The following DAB1 variants were observed in gnomAD, a reference collection of about 807,000 sequenced individuals.
DAB1 encodes DAB adaptor protein 1.
In DAB1, 15 loss-of-function variants were observed where a neutral mutation model predicts 64.6. The observed-to-expected ratio is 0.23, with a 90% CI of 0.16 to 0.36. The LOEUF (loss-of-function observed/expected upper bound fraction) is 0.36. Among genes scored for constraint, DAB1 ranks in the 10% least tolerant of loss-of-function variants. The probability of loss-of-function intolerance (pLI) is 1.00; values close to 1 mark genes in which losing one functional copy is unlikely to be tolerated. For missense variants in DAB1, 596 were observed against 706.7 expected, an observed-to-expected ratio of 0.84 and a Z score of 1.78; for synonymous variants, 235 against 251.9, an observed-to-expected ratio of 0.93 and a Z score of 0.64.
intron 3 of DAB1, among the ~76,000 whole-genome samples, chr1:58,433,341 G>C (rs1189571527): frequency 6.6e-6 from 1 of 152,140 alleles, no homozygotes; most frequent in African/African-American, 2.4e-5. Context: ...GTCTCACTGA[G>C]AGGATGACAT....
chr1:58,167,326 T>C (rs1655898368), intron 4 of DAB1, among the ~76,000 whole-genome samples: 1 of 150,654 alleles, frequency 6.6e-6, no homozygotes, highest in South Asian at 2.1e-4. Context: ...ACTCTGTGTC[T>C]AGCTAAAGGA....
intron 6 of DAB1, among the ~76,000 whole-genome samples, chr1:57,761,323 C>T (rs1263139128): frequency 1.3e-5 from 2 of 152,204 alleles, no homozygotes; most frequent in African/African-American, 4.8e-5. Context: ...CAAAAGATTG[C>T]TTTGTTTTTA....
chr1:57,471,382 T>C (rs1487204469), intron 7 of DAB1, among the ~76,000 whole-genome samples: 5 of 152,166 alleles, frequency 3.3e-5, no homozygotes, highest in African/African-American at 1.2e-4. Context: ...CCTTAATATA[T>C]AAGTCAAAAT....
At chr1:57,099,410 A>T (rs1654463621) in intron 4 of DAB1, among the ~76,000 whole-genome samples, 1 of 152,244 alleles carries the variant, frequency 6.6e-6, no homozygotes, top group Admixed American at 6.5e-5. Context: ...TAGGGGTAGC[A>T]GTAAGTAGCG....
intron 1 of DAB1, chr1:58,530,459 C>T (rs535670224): frequency 5.1e-5 from 27 of 531,480 alleles, no homozygotes; most frequent in South Asian, 4.1e-4. Context: ...CCCCTAAAAA[C>T]GAGAAAACAT....
intron 7 of DAB1, among the ~76,000 whole-genome samples, chr1:57,493,450 G>T (rs1047667270): frequency 1.3e-5 from 2 of 152,166 alleles, no homozygotes; most frequent in Admixed American, 6.5e-5. Context: ...CATCCATGCT[G>T]TAGCATGTAT....
intron 5 of DAB1, among the ~76,000 whole-genome samples, chr1:58,127,794 G>C (rs200645625): frequency 6.6e-6 from 1 of 150,796 alleles, no homozygotes; most frequent in Non-Finnish European, 1.5e-5. Context: ...ATTTCTGAGG[G>C]CTCTGTTCTG....
chr1:57,303,558 A>C (rs1673856042), intron 1 of DAB1, among the ~76,000 whole-genome samples: 1 of 152,230 alleles, frequency 6.6e-6, no homozygotes, highest in African/African-American at 2.4e-5. Context: ...AGAGACTAGA[A>C]GTGAAAAGAT....
rs1644658580 is a variant in DAB1 at position 57,912,367 on chromosome 1, G to A, written n.388-28205C>T. ...ACCTGGAAAAAAAGGCTTACCTTAC[G>A]CAGGTGCTCAAAAATGTCTGTTGAG... On this transcript the variant is annotated intron_variant and non_coding_transcript_variant, in intron 5 of 20. Transcript: ENST00000485760. Among the ~76,000 whole-genome samples the A allele has an allele frequency of 2.6e-5, 4 of 152,086 alleles. No homozygotes were observed. The South Asian group carries it at 6.2e-4, about 24-fold the overall frequency.
intron 7 of DAB1, among the ~76,000 whole-genome samples, chr1:57,432,863 T>G (rs770239895): frequency 9.2e-5 from 14 of 152,202 alleles, no homozygotes; most frequent in Non-Finnish European, 1.9e-4. Flanking sequence ...GCCTTTGTTC[T>G]AAGAAAAACA....
chr1:57,464,126 T>C (rs919750247), intron 7 of DAB1, among the ~76,000 whole-genome samples: 1 of 152,240 alleles, frequency 6.6e-6, no homozygotes, highest in Non-Finnish European at 1.5e-5. Context: ...CTAAATGCTC[T>C]ACATGGATTT....
chr1:57,459,689 G>A (rs990284711), intron 7 of DAB1, among the ~76,000 whole-genome samples: 2 of 152,150 alleles, frequency 1.3e-5, no homozygotes, highest in African/African-American at 4.8e-5. Context: ...ACAGTCACCA[G>A]ATCCACGATC....
intron 1 of DAB1, among the ~76,000 whole-genome samples, chr1:57,322,138 C>G (rs918168325): frequency 6.6e-6 from 1 of 152,194 alleles, no homozygotes; most frequent in Non-Finnish European, 1.5e-5. Context: ...CAGTCATGTA[C>G]TTGCCACATC....
chr1:57,746,652 A>G (rs1278539675), intron 6 of DAB1, among the ~76,000 whole-genome samples: 2 of 152,202 alleles, frequency 1.3e-5, no homozygotes, highest in South Asian at 2.1e-4. Flanking sequence ...TTGCATAAAA[A>G]CTATGGATAT....
chr1:58,506,216 C>G (rs200117319), intron 2 of DAB1: 58 of 860,810 alleles, frequency 6.7e-5, no homozygotes, highest in Non-Finnish European at 1.2e-4. Context: ...AAGCCTAAAA[C>G]CAAAATTAGT....
chr1:57,305,268 A>T (rs1380817175), intron 1 of DAB1, among the ~76,000 whole-genome samples: 1 of 152,192 alleles, frequency 6.6e-6, no homozygotes. Flanking sequence ...AATTCCTTAA[A>T]GGAGCAGTGA....
chr1:58,078,728 T>A (rs1649801885), intron 5 of DAB1, among the ~76,000 whole-genome samples: 1 of 152,184 alleles, frequency 6.6e-6, no homozygotes, highest in Non-Finnish European at 1.5e-5. Flanking sequence ...ATAGTAACAT[T>A]GTTATAGTGA....
chr1:57,640,842 A>G (rs7548317), intron 7 of DAB1, among the ~76,000 whole-genome samples: 77,168 of 152,064 alleles, frequency 0.51, 20,018 homozygotes, highest in East Asian at 0.69. Flanking sequence ...GCTGCAGAGA[A>G]GTAAAGAATC....
chr1:57,599,752 G>T (rs1645554378), intron 7 of DAB1, among the ~76,000 whole-genome samples: 1 of 152,222 alleles, frequency 6.6e-6, no homozygotes, highest in African/African-American at 2.4e-5. Context: ...GCTGTACATA[G>T]CCCTGAGGAG....
Sources: gnomAD v4.1 joint callset for allele counts (sites outside exome capture counted in the v4.1 genomes callset) on GRCh38, gnomAD v4.1.1 for gene constraint, MANE v1.5 for transcripts, NCBI Gene and HGNC (gene_info 2026-07-23, HGNC 2026-07-21) for gene names.